The following CACNA1B variants were observed in gnomAD, a reference collection of about 807,000 sequenced individuals.
CACNA1B encodes calcium voltage-gated channel subunit alpha1 B, also known as voltage-dependent N-type calcium channel subunit alpha-1B.
In CACNA1B, 70 loss-of-function variants were observed where a neutral mutation model predicts 247.2. The observed-to-expected ratio is 0.28, with a 90% confidence interval of 0.23 to 0.35. The LOEUF is 0.35. Among genes scored for constraint, CACNA1B ranks in the 10% least tolerant of loss-of-function variants. The pLI, the probability that CACNA1B is intolerant of heterozygous loss-of-function variation, is 1.00. For missense variants in CACNA1B, 2,367 were observed against 3,197.4 expected (o/e 0.74, Z 6.26); for synonymous variants, 1,231 against 1,294.4 (o/e 0.95, Z 1.05).
At chr9:137,883,241 G>A (rs1431837406) in intron 3 of CACNA1B, among the ~76,000 whole-genome samples, 1 of 151,076 alleles carries the variant, frequency 6.6e-6, no homozygotes, top group Non-Finnish European at 1.5e-5. Context: ...TCCTAGCGAG[G>A]AGGAGGGCTG....
At chr9:138,115,758 C>T in intron 42 of CACNA1B, 79 bp downstream of exon 42, 1 of 1,432,050 alleles carries the variant, frequency 7.0e-7, no homozygotes, top group Non-Finnish European at 9.6e-7. Flanking sequence ...ATCCCATTTC[C>T]TCAACCTCCC....
At chr9:138,002,303 G>C (rs1958586667) in intron 15 of CACNA1B, among the ~76,000 whole-genome samples, 1 of 152,118 alleles carries the variant, frequency 6.6e-6, no homozygotes, top group Non-Finnish European at 1.5e-5. Context: ...TGGGAAAATT[G>C]GCTTTCCGTA....
At chr9:138,112,144 A>ATG (rs1487690018) in intron 39 of CACNA1B, among the ~76,000 whole-genome samples, 1 of 117,158 alleles carries the variant, frequency 8.5e-6, no homozygotes, top group African/African-American at 2.9e-5. Flanking sequence ...CACGTCGGAC[A>ATG]CACACGTGTG....
chr9:138,081,791 G>C (rs1385648291), intron 36 of CACNA1B, among the ~76,000 whole-genome samples: 1 of 151,064 alleles, frequency 6.6e-6, no homozygotes, highest in African/African-American at 2.5e-5. Flanking sequence ...TTCCTAGAAA[G>C]ACACAAATTA....
intron 36 of CACNA1B, among the ~76,000 whole-genome samples, chr9:138,088,307 T>G (rs1038431920): frequency 5.9e-5 from 9 of 151,568 alleles, no homozygotes; most frequent in Admixed American, 4.6e-4. Context: ...AGGCGGAAGT[T>G]GCAGTGAGCC....
At chr9:138,092,522 T>C (rs986717947) in intron 36 of CACNA1B, among the ~76,000 whole-genome samples, 3 of 152,258 alleles carry the variant, frequency 2.0e-5, no homozygotes, top group African/African-American at 7.2e-5. Flanking sequence ...TGTTCTTTTT[T>C]AGGATGACCA....
intron 20 of CACNA1B, among the ~76,000 whole-genome samples, chr9:138,030,216 G>A (rs1340113612): frequency 6.6e-6 from 1 of 151,008 alleles, no homozygotes; most frequent in Non-Finnish European, 1.5e-5. Flanking sequence ...TTGTTTGGTT[G>A]TTTTTTGTTT....
At chr9:138,066,361 C>T (rs986512153) in intron 31 of CACNA1B, among the ~76,000 whole-genome samples, 2 of 152,144 alleles carry the variant, frequency 1.3e-5, no homozygotes, top group East Asian at 1.9e-4. Context: ...GTGGGAGCAT[C>T]GCTTGAACCC....
chr9:137,972,782 G>A (rs1958169329), intron 11 of CACNA1B, among the ~76,000 whole-genome samples: 1 of 152,208 alleles, frequency 6.6e-6, no homozygotes, highest in African/African-American at 2.4e-5. Flanking sequence ...TCCGAACGGG[G>A]AGATGGTGCG....
chr9:138,087,606 T>C (rs1445831138), intron 36 of CACNA1B, among the ~76,000 whole-genome samples: 2 of 148,326 alleles, frequency 1.3e-5, no homozygotes, highest in Non-Finnish European at 3.0e-5. Flanking sequence ...TCCCAGCTAC[T>C]TGGGAGGCGG....
Position 137,971,450 on chromosome 9 carries a change from G to A in CACNA1B, c.1401G>A (p.Lys467=). The A allele has an allele frequency of 6.2e-7, 1 of 1,613,666 alleles. No individual in the cohort carries two copies. The highest frequency in any genetic ancestry group is 8.5e-7 in the Non-Finnish European group (1 of 1,179,736). ...AGAGCTCGTCATACTTCCGGAGGAA[G>A]GAGAAGATGTTCCGGTTTTTTATCC... ...KTESSSYFRR[K]EKMFRFFIRR... The change falls in exon 11 of 47, where the codon AAG becomes AAA. Residue 467 remains lysine, a synonymous_variant. Transcript: ENST00000371372. The surrounding 1 kb of genome is among the most constrained non-coding windows in gnomAD (Gnocchi z 4.4).
chr9:137,945,024 A>G (rs917319549), intron 6 of CACNA1B, among the ~76,000 whole-genome samples: 1 of 152,176 alleles, frequency 6.6e-6, no homozygotes, highest in Non-Finnish European at 1.5e-5. Flanking sequence ...GTTTTGGTAT[A>G]GGGCCATGAA....
At chr9:137,951,858 G>C (rs549138732) in intron 6 of CACNA1B, among the ~76,000 whole-genome samples, 1 of 152,196 alleles carries the variant, frequency 6.6e-6, no homozygotes, top group Non-Finnish European at 1.5e-5. Context: ...TTGGGCCTGT[G>C]GGCCCCCTTC....
chr9:138,115,309 G>A (rs1961814868), intron 41 of CACNA1B, among the ~76,000 whole-genome samples: 1 of 152,206 alleles, frequency 6.6e-6, no homozygotes, highest in African/African-American at 2.4e-5. Flanking sequence ...TGAAGTCACT[G>A]ACAGGCAAGG....
At chr9:138,055,191 A>G (rs1355124203) in intron 26 of CACNA1B, among the ~76,000 whole-genome samples, 1 of 146,284 alleles carries the variant, frequency 6.8e-6, no homozygotes, top group Non-Finnish European at 1.5e-5. Context: ...CAGTGCTGCT[A>G]TTGCAGCTTA....
At chr9:138,027,297 T>G (rs561023285) in intron 20 of CACNA1B, among the ~76,000 whole-genome samples, 79 of 152,322 alleles carry the variant, frequency 5.2e-4, no homozygotes, top group African/African-American at 1.8e-3. Context: ...TTACTTCTAC[T>G]AGAAACAGAA....
chr9:137,940,528 A>G (rs778703750), intron 6 of CACNA1B, among the ~76,000 whole-genome samples: 1 of 152,228 alleles, frequency 6.6e-6, no homozygotes, highest in African/African-American at 2.4e-5. Flanking sequence ...ACACTATTCC[A>G]TGAGATAGAC....
chr9:138,076,580 C>G (rs980609533), intron 35 of CACNA1B, among the ~76,000 whole-genome samples: 4 of 152,198 alleles, frequency 2.6e-5, no homozygotes, highest in African/African-American at 9.6e-5. Flanking sequence ...GGAGATGTGC[C>G]AGGAGAGGCC....
At chr9:137,911,338 G>A (rs939912734) in intron 3 of CACNA1B, among the ~76,000 whole-genome samples, 8 of 152,008 alleles carry the variant, frequency 5.3e-5, no homozygotes, top group African/African-American at 1.9e-4. Flanking sequence ...GGCTTCCTCA[G>A]GTAACCTGGC....
Sources: allele counts gnomAD v4.1 joint callset (sites outside exome capture counted in the v4.1 genomes callset), GRCh38; gene constraint gnomAD v4.1.1; non-coding constraint Gnocchi (gnomAD v3.1); transcripts MANE v1.5; gene names NCBI Gene and HGNC (gene_info 2026-07-23, HGNC 2026-07-21).